ABCA4: variants seen among roughly 807,000 people sequenced by gnomAD.
The protein encoded by ABCA4 is ATP binding cassette subfamily A member 4.
ABCA4 carries 196 observed loss-of-function variants against 263.7 expected under a neutral mutation model. The observed-to-expected ratio is 0.74, with a 90% CI of 0.66 to 0.84. The LOEUF (loss-of-function observed/expected upper bound fraction) is 0.84, where lower values mean the gene tolerates loss of function less well. Ranked by LOEUF, ABCA4 falls within the 40% of genes least tolerant of loss-of-function variation. The pLI is 0.00. For missense variants in ABCA4, 2,792 were observed against 2,855.1 expected (o/e 0.98, Z 0.50); for synonymous variants, 1,133 against 1,094.2 (o/e 1.04, Z -0.70).
intron 11 of ABCA4, among the ~76,000 whole-genome samples, chr1:94,065,547 G>C (rs1456718992): frequency 6.6e-6 from 1 of 152,210 alleles, no homozygotes; most frequent in Non-Finnish European, 1.5e-5. Flanking sequence ...GCGATTCAGA[G>C]GCTGTGTTTG....
chr1:94,108,938 A>G (rs1360941487), intron 3 of ABCA4, among the ~76,000 whole-genome samples: 1 of 151,930 alleles, frequency 6.6e-6, no homozygotes, highest in African/African-American at 2.4e-5. Flanking sequence ...ACACCCAGCT[A>G]ATTTTTTATA....
chr1:94,108,523 A>G, intron 4 of ABCA4, 54 bp downstream of exon 4: 1 of 1,609,636 alleles, frequency 6.2e-7, no homozygotes, highest in Non-Finnish European at 8.5e-7. Context: ...CTATATCTTC[A>G]GTCTCTCCAT....
In ABCA4 at chr1:94,011,429, C is replaced by T. The variant is rs199755710; in HGVS notation, c.5461-44G>A. 4.3e-4 allele frequency: 689 copies of T among 1,600,848 alleles called. 8 individuals carry two copies. In the African/African-American group the frequency reaches 8.2e-3, roughly 19 times the overall value. On this transcript the variant is annotated intron_variant, in intron 38 of 49. Coordinates refer to ENST00000370225, the MANE Select transcript of ABCA4 (RefSeq NM_000350.3). The stretch of plus-strand genomic sequence containing the variant: ...ACTGTTGGAAACGGGGCAAACCCCA[C>T]CCCCCCTCTCTTCAGCAGGTGGGGC...
At position 94,080,568 on chromosome 1, in the gene ABCA4, A is replaced by G. The variant is rs886044724; in HGVS notation, c.1009T>C (p.Phe337Leu). The G allele has an allele frequency of 1.9e-6, 3 of 1,614,066 alleles. No individual in the cohort carries two copies. Among genetic ancestry groups the G allele is most frequent in the Non-Finnish European group, 2.5e-6 (3 of 1,180,044 alleles). ...TAGTTATTGTCTTCATACCAGTTGA[A>G]GGAGAGCACCCGAGAGCCACCTCCC... is the stretch of plus-strand genomic sequence containing the variant. Reference protein sequence around the residue: ...PEGGGSRVLSFNWYEDNNYKA... With the variant: ...PEGGGSRVLSLNWYEDNNYKA... The change falls in exon 8 of 50, where the codon TTC becomes CTC. Residue 337 changes from phenylalanine (F) to leucine (L), a missense_variant. Phe to Leu is a conservative substitution (Grantham distance 22, BLOSUM62 0). Transcript: ENST00000370225.
intron 26 of ABCA4, among the ~76,000 whole-genome samples, chr1:94,033,155 C>T (rs1660249669): frequency 6.6e-6 from 1 of 152,182 alleles, no homozygotes; most frequent in South Asian, 2.1e-4. Context: ...CATGGTGGCT[C>T]ATGCCTGTAA....
intron 11 of ABCA4, among the ~76,000 whole-genome samples, chr1:94,074,317 G>A (rs1471773164): frequency 6.6e-6 from 1 of 152,142 alleles, no homozygotes; most frequent in African/African-American, 2.4e-5. Context: ...GCCATATGTA[G>A]AAAACTTAAA....
In ABCA4 at chr1:94,040,238, G is replaced by A; in HGVS notation, c.3523-111C>T. 3 of 853,086 alleles carry A rather than the reference G, an allele frequency of 3.5e-6. No homozygotes were observed. The South Asian group carries it at 4.3e-5, about 12-fold the overall frequency. The allele number at this position is 853,086 out of a possible 1,614,324, so 52.8% of individuals were successfully genotyped here. On this transcript the variant is annotated intron_variant, in intron 23 of 49. Coordinates refer to ENST00000370225, the MANE Select transcript of ABCA4 (RefSeq NM_000350.3). ...CTTTATTTATTTCTCACTGCCAAGT[G>A]TAGTCAACACATTTTTTTCTTCACT...
At chr1:94,079,731 G>T (rs1661638672) in intron 8 of ABCA4, among the ~76,000 whole-genome samples, 1 of 152,194 alleles carries the variant, frequency 6.6e-6, no homozygotes, top group Non-Finnish European at 1.5e-5. Flanking sequence ...AGGCTGAGAA[G>T]CCTGCCTCTG....
intron 6 of ABCA4, among the ~76,000 whole-genome samples, chr1:94,085,907 C>T (rs1661813308): frequency 6.6e-6 from 1 of 152,142 alleles, no homozygotes; most frequent in South Asian, 2.1e-4. Flanking sequence ...TGAGAAACAG[C>T]TTCCTCCCAA....
intron 7 of ABCA4, 149 bp from the exon 8 acceptor site, chr1:94,080,867 CA>C (rs1661678633): frequency 1.7e-6 from 2 of 1,202,530 alleles, no homozygotes; most frequent in South Asian, 2.7e-5. Context: ...CTGCGAAAAA[CA>C]AAAAACAAAA....
chr1:94,089,995 G>A (rs956034933), intron 6 of ABCA4, among the ~76,000 whole-genome samples: 3 of 152,158 alleles, frequency 2.0e-5, no homozygotes, highest in Admixed American at 6.6e-5. Flanking sequence ...AACCTGGACA[G>A]GATGCCCTCC....
In ABCA4 at chr1:94,051,044, T is replaced by C. The variant is rs561657004; in HGVS notation, c.2653+589A>G. On this transcript the variant is annotated intron_variant, in intron 17 of 49. Transcript: ENST00000370225. ...TAGCTAGGCCTCCTGTTTGGTTCAGTAGTAAAGGTGCCTTTTACCTAAGAT... is the reference window on the plus strand; with the variant it reads ...TAGCTAGGCCTCCTGTTTGGTTCAGCAGTAAAGGTGCCTTTTACCTAAGAT... 4.6e-5 allele frequency among the ~76,000 whole-genome samples: 7 copies of C among 152,330 alleles called. No individual in the cohort carries two copies. The East Asian group carries it at 1.4e-3, about 29-fold the overall frequency.
rs372109426 is a variant in ABCA4, at chr1:94,014,375, G to GAGGA, written c.5460+164_5460+167dup. On this transcript the variant is annotated intron_variant, in intron 38 of 49. Coordinates refer to ENST00000370225, the MANE Select transcript of ABCA4 (RefSeq NM_000350.3). ...AGAAGGAAAGAGGAAGGAAGGATGGGAGGAAGGAAGGAAGGAAAGGAGGCA... is the reference window on the plus strand; with the variant it reads ...AGAAGGAAAGAGGAAGGAAGGATGGGAGGAAGGAAGGAAGGAAGGAAAGGAGGCA... Among the ~76,000 whole-genome samples the GAGGA allele has an allele frequency of 1.5e-4, 21 of 136,480 alleles. 2 individuals carry two copies. The highest frequency in any genetic ancestry group is 7.9e-4 in the East Asian group (4 of 5,032). The allele number at this position is 136,480 out of a possible 152,430, so 89.5% of individuals were successfully genotyped here.
At chr1:94,043,957 A>G (rs1250245221) in intron 20 of ABCA4, among the ~76,000 whole-genome samples, 3 of 151,874 alleles carry the variant, frequency 2.0e-5, no homozygotes, top group African/African-American at 7.3e-5. Flanking sequence ...TTTATTTTCA[A>G]TTTTTTGTTT....
rs116095037 is a variant in ABCA4, at chr1:94,094,304, G to A, written c.768+4490C>T. 5.2e-3 allele frequency among the ~76,000 whole-genome samples: 799 copies of A among 152,262 alleles called. 10 individuals are homozygous for A. The highest frequency in any genetic ancestry group is 0.019 in the African/African-American group (770 of 41,524). On this transcript the variant is annotated intron_variant, in intron 6 of 49. Coordinates refer to ENST00000370225, the MANE Select transcript of ABCA4 (RefSeq NM_000350.3). ...TCTCCCCAGTGACTCAGGAATTCAG[G>A]GAGCCAGAGCCAAGAATGAAACAGG...
In ABCA4 at chr1:94,056,778, C is replaced by T. The variant is rs1450421721; in HGVS notation, c.2205G>A (p.Leu735=). 6.2e-7 allele frequency: 1 copy of T among 1,612,768 alleles called. No individual in the cohort carries two copies. The highest frequency in any genetic ancestry group is 2.2e-5 in the East Asian group (1 of 44,798). The change falls in exon 15 of 50, where the codon CTG becomes CTA. Residue 735 remains leucine, a synonymous_variant. Transcript: ENST00000370225. ...LHYSDPFILF[L]FLLAFSTATI... ...TGGCAGTGGAGAAAGCCAACAAGAA[C>T]AGGAAGAGGATGAATGGGTCGCTGT... is the stretch of plus-strand genomic sequence containing the variant.
Position 94,030,461 on chromosome 1 carries a change from A to G in ABCA4, c.4319T>C (p.Phe1440Ser), listed in dbSNP as rs61750141. 23 of 1,614,204 alleles carry G rather than the reference A, an allele frequency of 1.4e-5. No individual in the cohort carries two copies. Among genetic ancestry groups the G allele is most frequent in the Non-Finnish European group, 1.9e-5 (22 of 1,180,022 alleles). Residue 1440 changes from phenylalanine to serine, a missense_variant, in exon 29 of 50, where the codon TTT (phenylalanine) becomes TCT (serine). Coordinates refer to ENST00000370225, the MANE Select transcript of ABCA4 (RefSeq NM_000350.3). ...CCCTTCCTTCAGGCAGCGGTTGCCAAAGCCTGGCTTATTCAGGAGGACGTC... is the reference window on the plus strand; with the variant it reads ...CCCTTCCTTCAGGCAGCGGTTGCCAGAGCCTGGCTTATTCAGGAGGACGTC... ...LADVLLNKPG[F>S]GNRCLKEGWL...
At chr1:94,114,594 C>G (rs1662701703) in intron 1 of ABCA4, among the ~76,000 whole-genome samples, 1 of 152,174 alleles carries the variant, frequency 6.6e-6, no homozygotes, top group South Asian at 2.1e-4. Flanking sequence ...TCACGCCACT[C>G]TCCTGCCTCA....
rs1661752596 is a variant in ABCA4, at chr1:94,083,403, A to T, written c.807T>A (p.Asn269Lys). 1 of 1,613,894 alleles carries T rather than the reference A, an allele frequency of 6.2e-7. No individual in the cohort carries two copies. The highest frequency in any genetic ancestry group is 8.5e-7 in the Non-Finnish European group (1 of 1,179,912). Residue 269 changes from asparagine (N) to lysine (K), a missense_variant, in exon 7 of 50, where the codon AAT (asparagine) becomes AAA (lysine). By Grantham distance (94) the Asn-to-Lys change is moderately conservative. Transcript: ENST00000370225. ...TLLDSRSQGI[N>K]LRSWGGILSD... Reference sequence around the variant, plus strand: ...ATAATATTCCTCCCCAAGATCTCAGATTGATACCTTGAGAACGGCTGTCTA... The same window carrying T: ...ATAATATTCCTCCCCAAGATCTCAGTTTGATACCTTGAGAACGGCTGTCTA...
Sources: allele counts gnomAD v4.1 joint callset (sites outside exome capture counted in the v4.1 genomes callset), GRCh38; gene constraint gnomAD v4.1.1; transcripts MANE v1.5; gene names NCBI Gene and HGNC (gene_info 2026-07-23, HGNC 2026-07-21).